Variants in MRPS22 observed in about 807,000 individuals in gnomAD.
MRPS22 encodes small ribosomal subunit protein mS22.
A neutral mutation model predicts 44.0 loss-of-function variants in MRPS22; 30 were observed. The observed-to-expected ratio is 0.68, with a 90% confidence interval of 0.51 to 0.93. MRPS22 has a LOEUF of 0.93. MRPS22 is among the 40% of genes least tolerant of loss of function. The probability of loss-of-function intolerance (pLI) is 0.00; values close to 1 mark genes in which losing one functional copy is unlikely to be tolerated. For missense variants in MRPS22, 447 were observed against 447.8 expected, an observed-to-expected ratio of 1.00 and a Z score of 0.02; for synonymous variants, 165 against 154.4, an observed-to-expected ratio of 1.07 and a Z score of -0.51.
intron 1 of MRPS22, chr3:139,344,812 G>A: frequency 1.7e-6 from 1 of 578,466 alleles, no homozygotes; most frequent in African/African-American, 1.9e-5. Flanking sequence ...ATAGAGGGTT[G>A]TCCCATTTAC....
intron 7 of MRPS22, among the ~76,000 whole-genome samples, chr3:139,356,398 G>A (rs1941264067): frequency 1.3e-5 from 2 of 152,178 alleles, no homozygotes; most frequent in Admixed American, 6.5e-5. Flanking sequence ...CTAATGCTCA[G>A]AATATACATG....
chr3:139,351,400 A>G (rs1941149348), intron 5 of MRPS22: 1 of 360,418 alleles, frequency 2.8e-6, no homozygotes, highest in Non-Finnish European at 5.4e-6. Flanking sequence ...TTGCTGAAGT[A>G]CAGTGTGTTT....
At chr3:139,352,167 G>T in intron 5 of MRPS22, 1 of 170,678 alleles carries the variant, frequency 5.9e-6, no homozygotes, top group African/African-American at 2.4e-5. Context: ...TAGTTGGCCT[G>T]CCAAAAAGTA....
Position 139,344,043 on chromosome 3 carries a change from C to G in MRPS22, c.17C>G (p.Thr6Arg), listed in dbSNP as rs1316995978. 1 of 1,614,174 alleles carries G rather than the reference C, an allele frequency of 6.2e-7. No homozygotes were observed. Among genetic ancestry groups the G allele is most frequent in the Non-Finnish European group, 8.5e-7 (1 of 1,180,038 alleles). ...CTGATAATCATGGCGCCCCTCGGAACAACTGTATTGCTGTGGAGCCTCTTG... is the reference window on the plus strand; with the variant it reads ...CTGATAATCATGGCGCCCCTCGGAAGAACTGTATTGCTGTGGAGCCTCTTG... MAPLG[T>R]TVLLWSLLRS... Residue 6 changes from threonine (T) to arginine (R), a missense_variant, in exon 1 of 8, where the codon ACA (threonine) becomes AGA (arginine). Physicochemically the swap from Thr to Arg is moderately conservative, Grantham distance 71. Transcript: ENST00000680020.
intron 7 of MRPS22, 56 bp from the exon 8 acceptor site, chr3:139,356,863 A>G: frequency 7.6e-7 from 1 of 1,315,562 alleles, no homozygotes. Context: ...AAACTGAAAA[A>G]CTTTATAAAT....
chr3:139,348,311 G>A lies in MRPS22; in HGVS notation c.491G>A (p.Ser164Asn). ...TATGTGTTTACTGATATATCATATA[G>A]CATACCACACCGGGTGAGTATATGT... ...TKYVFTDISY[S>N]IPHRERFIVV... Residue 164 changes from serine (S) to asparagine (N), a missense_variant, in exon 3 of 8, where the codon AGC (serine) becomes AAC (asparagine). Ser to Asn is a conservative substitution (Grantham distance 46). Transcript: ENST00000680020. 6.2e-7 allele frequency: 1 copy of A among 1,613,946 alleles called. No homozygotes were observed. The highest frequency in any genetic ancestry group is 2.2e-5 in the East Asian group (1 of 44,878).
intron 1 of MRPS22, chr3:139,344,667 C>T (rs1339052160): frequency 1.4e-6 from 1 of 699,622 alleles, no homozygotes; most frequent in Non-Finnish European, 2.6e-6. Flanking sequence ...GGGACAGTAG[C>T]AGATGTCCAG....
rs779779775 is a variant in MRPS22, at chr3:139,347,064, T to C, written c.339+20T>C. On this transcript the variant is annotated intron_variant, in intron 2 of 7. Coordinates refer to ENST00000680020, the MANE Select transcript of MRPS22 (RefSeq NM_020191.4). ...GAAGAGGTACGTGAATGCAGGAATA[T>C]TGTTAGAATACCTTTCTTTAAGGGT... 1 of 1,613,882 alleles carries C rather than the reference T, an allele frequency of 6.2e-7. No individual in the cohort carries two copies. Among genetic ancestry groups the C allele is most frequent in the Non-Finnish European group, 8.5e-7 (1 of 1,179,736 alleles).
rs763912540 is a variant in MRPS22, at chr3:139,355,685, C to A, written c.882C>A (p.Ile294=). 5 of 1,613,330 alleles carry A rather than the reference C, an allele frequency of 3.1e-6. No individual in the cohort carries two copies. In the South Asian group the frequency reaches 5.5e-5, roughly 18 times the overall value. ...CATTAAACCCTTTCATTCTCAGAAT[C>A]GATGATGCAACCAACTTGGTCCAGC... ...LLIDQIQRDL[I]DDATNLVQLY... The change falls in exon 7 of 8, where the codon ATC becomes ATA. Residue 294 remains isoleucine, a synonymous_variant. Coordinates refer to ENST00000680020, the MANE Select transcript of MRPS22 (RefSeq NM_020191.4).
intron 5 of MRPS22, chr3:139,351,466 G>C (rs1034786568): frequency 1.3e-5 from 4 of 309,824 alleles, no homozygotes; most frequent in Non-Finnish European, 1.9e-5. Flanking sequence ...GTATTATCTT[G>C]GGTAGTATAG....
At chr3:139,344,473 C>T in intron 1 of MRPS22, 1 of 611,752 alleles carries the variant, frequency 1.6e-6, no homozygotes, top group Non-Finnish European at 2.9e-6. Context: ...AGACATTTCC[C>T]TGTGGGAACT....
chr3:139,350,810 T>A, intron 4 of MRPS22, 167 bp from the exon 5 acceptor site: 1 of 682,320 alleles, frequency 1.5e-6, no homozygotes, highest in Non-Finnish European at 2.7e-6. Flanking sequence ...TTGGCTTAGC[T>A]GGAATTTGAA....
At chr3:139,352,173 A>G (rs1420680969) in intron 5 of MRPS22, 1 of 170,708 alleles carries the variant, frequency 5.9e-6, no homozygotes, top group African/African-American at 2.4e-5. Context: ...GCCTGCCAAA[A>G]AGTACTTAAT....
At position 139,348,258 on chromosome 3, in the gene MRPS22, G is replaced by A. The variant is rs1479814618; in HGVS notation, c.438G>A (p.Lys146=). The change falls in exon 3 of 8, where the codon AAG becomes AAA. Residue 146 remains lysine (K), a synonymous_variant. Transcript: ENST00000680020. ...VPINDVLAED[K]ILEGTETTKY... ...TAAATGATGTGTTAGCTGAAGATAA[G>A]ATTTTGGAAGGAACAGAAACAACCA... 3 of 1,614,094 alleles carry A rather than the reference G, an allele frequency of 1.9e-6. No homozygotes were observed. In the South Asian group the frequency reaches 3.3e-5, roughly 18 times the overall value.
At position 139,355,957 on chromosome 3, in the gene MRPS22, T is replaced by C. The variant is rs183604301; in HGVS notation, c.987+167T>C. ...CCCCATATTTCTTCAGCCTGGACAA[T>C]AGAAACAGACAGGGGAGGGGGGTAA... On this transcript the variant is annotated intron_variant, in intron 7 of 7. Transcript: ENST00000680020. Among the ~76,000 whole-genome samples the C allele has an allele frequency of 0.016, 2,440 of 151,880 alleles. 73 individuals carry two copies. Among genetic ancestry groups the C allele is most frequent in the African/African-American group, 0.054 (2,224 of 41,484 alleles).
chr3:139,356,858 G>A, intron 7 of MRPS22, 61 bp from the exon 8 acceptor site: 1 of 1,291,382 alleles, frequency 7.7e-7, no homozygotes, highest in Non-Finnish European at 1.1e-6. Context: ...TCTTAAAACT[G>A]AAAAACTTTA....
intron 1 of MRPS22, chr3:139,344,500 T>A (rs555854715): frequency 9.0e-5 from 55 of 611,104 alleles, no homozygotes; most frequent in African/African-American, 8.7e-4. Context: ...CATGGGGAAT[T>A]GGCAGTGCAG....
At chr3:139,349,939 G>T (rs1941113802) in intron 3 of MRPS22, among the ~76,000 whole-genome samples, 1 of 152,186 alleles carries the variant, frequency 6.6e-6, no homozygotes, top group Non-Finnish European at 1.5e-5. Flanking sequence ...TAGCACCATA[G>T]TTGGTACTTA....
intron 3 of MRPS22, chr3:139,349,166 T>A (rs11706615): frequency 0.72 from 232,434 of 323,240 alleles, 87,322 homozygotes; most frequent in East Asian, 0.9. Flanking sequence ...TGTTTTGTGA[T>A]GCTTTAATAT....
Sources: gnomAD v4.1 joint callset for allele counts (sites outside exome capture counted in the v4.1 genomes callset) on GRCh38, gnomAD v4.1.1 for gene constraint, MANE v1.5 for transcripts, NCBI Gene and HGNC (gene_info 2026-07-23, HGNC 2026-07-21) for gene names.